Variants in SH3D19 observed in about 807,000 individuals in gnomAD.
SH3D19 encodes the protein SH3 domain containing 19.
A neutral mutation model predicts 112.1 loss-of-function variants in SH3D19; 58 were observed. That is an observed-to-expected ratio of 0.52 (90% CI 0.42 to 0.64). The LOEUF (loss-of-function observed/expected upper bound fraction) is 0.64. Ranked by LOEUF, SH3D19 falls within the 30% of genes least tolerant of loss-of-function variation. The pLI is 0.00. For synonymous variants in SH3D19, 391 were observed against 448.5 expected, an observed-to-expected ratio of 0.87 and a Z score of 1.62; for missense variants, 1,090 against 1,263.4, an observed-to-expected ratio of 0.86 and a Z score of 2.08.
chr4:151,200,883 T>C (rs2407418), intron 2 of SH3D19, among the ~76,000 whole-genome samples: 105,678 of 152,190 alleles, frequency 0.69, 41,793 homozygotes, highest in Non-Finnish European at 0.89. Flanking sequence ...TCTTACTCAT[T>C]AATATAAACA....
chr4:151,156,225 T>C (rs771085635), intron 9 of SH3D19, among the ~76,000 whole-genome samples: 8 of 152,156 alleles, frequency 5.3e-5, no homozygotes, highest in Non-Finnish European at 1.2e-4. Context: ...GAAGAATTAA[T>C]ATTGTTAAAA....
intron 1 of SH3D19, among the ~76,000 whole-genome samples, chr4:151,280,666 C>A (rs937573772): frequency 2.0e-5 from 3 of 152,042 alleles, no homozygotes; most frequent in Non-Finnish European, 4.4e-5. Flanking sequence ...CAGCTTGCAC[C>A]TGTAATCCCA....
intron 8 of SH3D19, among the ~76,000 whole-genome samples, chr4:151,163,487 C>G (rs1757490352): frequency 1.3e-5 from 2 of 152,084 alleles, no homozygotes; most frequent in Non-Finnish European, 2.9e-5. Flanking sequence ...AAAGTAATAG[C>G]AAACAGGCAA....
chr4:151,258,093 G>A (rs1249267257), intron 1 of SH3D19, among the ~76,000 whole-genome samples: 1 of 152,052 alleles, frequency 6.6e-6, no homozygotes, highest in Admixed American at 6.5e-5. Context: ...AAAACCTCCT[G>A]AGTTACTTCC....
At chr4:151,237,062 T>C (rs1226402936) in intron 1 of SH3D19, among the ~76,000 whole-genome samples, 2 of 152,224 alleles carry the variant, frequency 1.3e-5, no homozygotes, top group Non-Finnish European at 2.9e-5. Context: ...ACCTTGCTGC[T>C]GCTCACCCTT....
intron 1 of SH3D19, among the ~76,000 whole-genome samples, chr4:151,249,980 G>C (rs1771235246): frequency 6.6e-6 from 1 of 152,082 alleles, no homozygotes; most frequent in Admixed American, 6.6e-5. Context: ...CCATCAAACT[G>C]GCCAAAATGT....
chr4:151,256,353 C>G (rs1300556978), intron 1 of SH3D19, among the ~76,000 whole-genome samples: 1 of 152,182 alleles, frequency 6.6e-6, no homozygotes, highest in Non-Finnish European at 1.5e-5. Context: ...AGAACATGGG[C>G]CTTGCCAAAG....
intron 1 of SH3D19, among the ~76,000 whole-genome samples, chr4:151,277,866 C>G (rs1268572348): frequency 6.6e-6 from 1 of 152,078 alleles, no homozygotes; most frequent in Non-Finnish European, 1.5e-5. Flanking sequence ...CATGGTGAAA[C>G]CCCATCTCTA....
chr4:151,319,061 T>C (rs1333899095), intron 1 of SH3D19, among the ~76,000 whole-genome samples: 2 of 152,222 alleles, frequency 1.3e-5, no homozygotes, highest in Non-Finnish European at 2.9e-5. Flanking sequence ...GTCTTTTATT[T>C]CTTTTTGAGA....
intron 8 of SH3D19, among the ~76,000 whole-genome samples, chr4:151,161,329 C>T (rs1757111482): frequency 1.3e-5 from 2 of 152,094 alleles, no homozygotes; most frequent in Admixed American, 1.3e-4. Flanking sequence ...CCCTTTTTCC[C>T]TTGACCATTC....
intron 1 of SH3D19, among the ~76,000 whole-genome samples, chr4:151,321,504 A>C (rs1432500674): frequency 1.3e-5 from 2 of 152,228 alleles, no homozygotes; most frequent in Non-Finnish European, 2.9e-5. Context: ...TGTATAAATC[A>C]ACCATGAAAT....
chr4:151,283,124 T>C (rs1463812390), intron 1 of SH3D19: 1 of 1,613,714 alleles, frequency 6.2e-7, no homozygotes, highest in South Asian at 1.1e-5. Context: ...CAGATAGAGA[T>C]TACCATTCTG....
Position 151,139,848 on chromosome 4 carries a change from C to A in SH3D19, c.2224-1G>T. 1 of 1,614,008 alleles carries A rather than the reference C, an allele frequency of 6.2e-7. No individual in the cohort carries two copies. The highest frequency in any genetic ancestry group is 8.5e-7 in the Non-Finnish European group (1 of 1,179,964). ...CAGGCTTCTGAGCGTGGCTTGGATC[C>A]TTAGGGGGAGAAAAGGGCTGTGAAT... On this transcript the variant is annotated splice_acceptor_variant, in intron 12 of 19. Transcript: ENST00000604030. LOFTEE classifies it high-confidence loss of function.
At chr4:151,205,248 G>A (rs150132129) in intron 2 of SH3D19, among the ~76,000 whole-genome samples, 1 of 152,268 alleles carries the variant, frequency 6.6e-6, no homozygotes, top group Admixed American at 6.5e-5. Flanking sequence ...GAAACACGGC[G>A]GCTTTTTGTG....
At chr4:151,266,162 C>G (rs982892528) in intron 1 of SH3D19, 1 of 151,976 alleles carries the variant, frequency 6.6e-6, no homozygotes, top group Non-Finnish European at 1.5e-5. Context: ...GAGATCGTAC[C>G]GATGAAAGTT....
intron 2 of SH3D19, among the ~76,000 whole-genome samples, chr4:151,206,692 C>T (rs746276155): frequency 5.3e-5 from 8 of 152,102 alleles, no homozygotes; most frequent in Non-Finnish European, 1.0e-4. Context: ...GTTAAAACAA[C>T]TGAAACCCCT....
chr4:151,252,651 G>A (rs908772756), intron 1 of SH3D19, among the ~76,000 whole-genome samples: 1 of 152,004 alleles, frequency 6.6e-6, no homozygotes, highest in Non-Finnish European at 1.5e-5. Flanking sequence ...CCCTAGTTTG[G>A]GCCAAGTCTC....
intron 9 of SH3D19, among the ~76,000 whole-genome samples, chr4:151,152,269 C>T (rs1013282581): frequency 6.6e-6 from 1 of 152,136 alleles, no homozygotes; most frequent in African/African-American, 2.4e-5. Context: ...TGATTAGGGA[C>T]TTCCTCCTCG....
chr4:151,253,110 T>C (rs1199170971), intron 1 of SH3D19, among the ~76,000 whole-genome samples: 4 of 152,194 alleles, frequency 2.6e-5, no homozygotes, highest in Non-Finnish European at 5.9e-5. Context: ...CCCATACTAC[T>C]AAGAATAAAA....
Sources: gnomAD v4.1 joint callset for allele counts (sites outside exome capture counted in the v4.1 genomes callset) on GRCh38, gnomAD v4.1.1 for gene constraint, MANE v1.5 for transcripts, NCBI Gene and HGNC (gene_info 2026-07-23, HGNC 2026-07-21) for gene names.